Variants in PBX3 observed in about 807,000 individuals in gnomAD.
PBX3 encodes the protein PBX homeobox 3, also known as pre-B-cell leukemia transcription factor 3.
In PBX3, 14 loss-of-function variants were observed where a neutral mutation model predicts 48.5. The ratio of observed to expected loss-of-function variants is 0.29; its 90% CI spans 0.19 to 0.45. The LOEUF is 0.45. PBX3 is among the 20% of genes least tolerant of loss of function. PBX3 has a pLI of 1.00. For missense variants in PBX3, 386 were observed against 546.7 expected (o/e 0.71, Z 2.93); for synonymous variants, 210 against 200.3 (o/e 1.05, Z -0.41).
intron 5 of PBX3, among the ~76,000 whole-genome samples, chr9:125,945,889 G>A (rs1842055309): frequency 1.3e-5 from 2 of 152,220 alleles, no homozygotes; most frequent in Admixed American, 6.5e-5. Context: ...GGGAATGGAT[G>A]AAGTTGCCCA....
At chr9:125,866,635 C>T (rs926181141) in intron 2 of PBX3, among the ~76,000 whole-genome samples, 1 of 152,112 alleles carries the variant, frequency 6.6e-6, no homozygotes, top group East Asian at 1.9e-4. Flanking sequence ...TGTATGTGTC[C>T]GGGGAGGTTT....
At chr9:125,887,070 A>G (rs1225395222) in intron 2 of PBX3, among the ~76,000 whole-genome samples, 5 of 152,204 alleles carry the variant, frequency 3.3e-5, no homozygotes, top group African/African-American at 1.2e-4. Flanking sequence ...TAAGAAGAAG[A>G]CAACCCAGAC....
intron 5 of PBX3, among the ~76,000 whole-genome samples, chr9:125,948,593 C>T (rs1028498989): frequency 1.3e-5 from 2 of 151,764 alleles, no homozygotes; most frequent in Non-Finnish European, 2.9e-5. Flanking sequence ...ACAGCTAAAG[C>T]CATGTTTAGA....
intron 5 of PBX3, among the ~76,000 whole-genome samples, chr9:125,948,288 CACA>C (rs1842108429): frequency 6.6e-6 from 1 of 152,188 alleles, no homozygotes; most frequent in Non-Finnish European, 1.5e-5. Flanking sequence ...CTGCAGAATA[CACA>C]TTCTAATTTT....
At chr9:125,839,505 T>C (rs115557480) in intron 2 of PBX3, among the ~76,000 whole-genome samples, 267 of 152,310 alleles carry the variant, frequency 1.8e-3, no homozygotes, top group African/African-American at 6.1e-3. Flanking sequence ...TTCCAATCTT[T>C]GTAAGCTCCT....
intron 2 of PBX3, among the ~76,000 whole-genome samples, chr9:125,790,465 G>T (rs1837568973): frequency 6.6e-6 from 1 of 151,950 alleles, no homozygotes; most frequent in South Asian, 2.1e-4. Flanking sequence ...TGTTGTCCAG[G>T]CTGGTCTTGA....
At chr9:125,930,913 C>T (rs1335867431) in intron 4 of PBX3, among the ~76,000 whole-genome samples, 1 of 152,220 alleles carries the variant, frequency 6.6e-6, no homozygotes, top group African/African-American at 2.4e-5. Context: ...ATATACACTC[C>T]TTAACCTGAC....
intron 2 of PBX3, among the ~76,000 whole-genome samples, chr9:125,871,670 A>ACAG (rs534581337): frequency 7.4e-4 from 113 of 152,326 alleles, no homozygotes; most frequent in African/African-American, 2.7e-3. Context: ...CTTACTGATA[A>ACAG]ATCTTTGTAT....
intron 2 of PBX3, among the ~76,000 whole-genome samples, chr9:125,864,986 CTTTTAT>C (rs1451340443): frequency 2.6e-5 from 4 of 152,202 alleles, no homozygotes; most frequent in East Asian, 1.9e-4. Context: ...CTCATTTTGT[CTTTTAT>C]TTTTATCAGT....
intron 2 of PBX3, among the ~76,000 whole-genome samples, chr9:125,878,859 G>A (rs1430277768): frequency 1.3e-5 from 2 of 152,140 alleles, no homozygotes; most frequent in African/African-American, 2.4e-5. Flanking sequence ...GTGGGTCTCA[G>A]ATGTTGTTAT....
chr9:125,748,683 C>T (rs1836279995), intron 2 of PBX3, 60 bp downstream of exon 2: 1 of 1,281,496 alleles, frequency 7.8e-7, no homozygotes, highest in Non-Finnish European at 1.1e-6. Context: ...CGGAGCTACT[C>T]CTTCGACTCT....
rs1190960824 is a variant in PBX3 at position 125,935,713 on chromosome 9, A to G, written c.843+106A>G. On this transcript the variant is annotated intron_variant, in intron 5 of 8. Coordinates refer to ENST00000373489, the MANE Select transcript of PBX3 (RefSeq NM_006195.6). ...TTCATATCCAAATGTTCTATCATCA[A>G]AAAAGATATAAGGAAAATGTAGATA... 7.4e-6 allele frequency: 8 copies of G among 1,083,050 alleles called. No homozygotes were observed. In the South Asian group the frequency reaches 1.2e-4, roughly 17 times the overall value. 67.1% of individuals were successfully genotyped at this position (1,083,050 alleles called of 1,614,324 possible).
At chr9:125,962,790 C>T (rs1842457074) in intron 7 of PBX3, among the ~76,000 whole-genome samples, 3 of 152,100 alleles carry the variant, frequency 2.0e-5, no homozygotes, top group Admixed American at 1.3e-4. Flanking sequence ...AGTTGCATTG[C>T]CATGAAGATG....
intron 2 of PBX3, among the ~76,000 whole-genome samples, chr9:125,826,505 A>G (rs1838811773): frequency 6.6e-6 from 1 of 152,190 alleles, no homozygotes; most frequent in Admixed American, 6.5e-5. Flanking sequence ...TGAATACATA[A>G]GATATATTTC....
chr9:125,863,221 T>C (rs890182232), intron 2 of PBX3, among the ~76,000 whole-genome samples: 8 of 151,258 alleles, frequency 5.3e-5, no homozygotes, highest in African/African-American at 1.9e-4. Context: ...ATTTTTTTTT[T>C]TTTTTGAGAC....
Position 125,747,459 on chromosome 9 carries a change from C to A in PBX3, c.6C>A (p.Asp2Glu). ...TCCCGCCCGCGCGCGGCGGGATGGA[C>A]GATCAATCCAGGATGCTGCAGACTC... is the stretch of plus-strand genomic sequence containing the variant. M[D>E]DQSRMLQTLA... is the part of the protein sequence containing the mutation. The change falls in exon 1 of 9, where the codon GAC becomes GAA. Residue 2 changes from aspartate to glutamate, a missense_variant. Physicochemically the swap from Asp to Glu is conservative, Grantham distance 45. Transcript: ENST00000373489. 1 of 1,512,150 alleles carries A rather than the reference C, an allele frequency of 6.6e-7. No homozygotes were observed. The highest frequency in any genetic ancestry group is 8.9e-7 in the Non-Finnish European group (1 of 1,129,080). The allele number at this position is 1,512,150 out of a possible 1,614,324, so 93.7% of individuals were successfully genotyped here.
At chr9:125,858,117 A>C (rs1839768977) in intron 2 of PBX3, among the ~76,000 whole-genome samples, 1 of 152,220 alleles carries the variant, frequency 6.6e-6, no homozygotes, top group Non-Finnish European at 1.5e-5. Context: ...TAATCCCAGC[A>C]CTTTGGGAGG....
chr9:125,857,029 T>C (rs1839741785), intron 2 of PBX3, among the ~76,000 whole-genome samples: 1 of 152,226 alleles, frequency 6.6e-6, no homozygotes, highest in African/African-American at 2.4e-5. Context: ...TATACCTAGC[T>C]TATTCAGCTT....
At chr9:125,789,585 T>A (rs1009721415) in intron 2 of PBX3, among the ~76,000 whole-genome samples, 4 of 152,122 alleles carry the variant, frequency 2.6e-5, no homozygotes, top group African/African-American at 9.7e-5. Context: ...AATTTGGAAG[T>A]CACAGTGTTT....
Sources: gnomAD v4.1 joint callset for allele counts (sites outside exome capture counted in the v4.1 genomes callset) on GRCh38, gnomAD v4.1.1 for gene constraint, MANE v1.5 for transcripts, NCBI Gene and HGNC (gene_info 2026-07-23, HGNC 2026-07-21) for gene names.